The following GABRA4 variants were observed in gnomAD, a reference collection of about 807,000 sequenced individuals.
The protein encoded by GABRA4 is gamma-aminobutyric acid type A receptor subunit alpha4, also known as gamma-aminobutyric acid receptor subunit alpha-4.
GABRA4 carries 12 observed loss-of-function variants against 49.7 expected under a neutral mutation model. That is an observed-to-expected ratio of 0.24 (90% CI 0.15 to 0.39). The LOEUF (loss-of-function observed/expected upper bound fraction) is 0.39. GABRA4 is among the 10% of genes least tolerant of loss of function. The probability of loss-of-function intolerance (pLI) is 1.00; values close to 1 mark genes in which losing one functional copy is unlikely to be tolerated. For synonymous variants in GABRA4, 288 were observed against 240.2 expected (o/e 1.20, Z -1.84); for missense variants, 506 against 686.0 (o/e 0.74, Z 2.93).
intron 6 of GABRA4, 106 bp from the exon 7 acceptor site, chr4:46,971,341 T>C: frequency 9.8e-7 from 1 of 1,019,540 alleles, no homozygotes; most frequent in Non-Finnish European, 1.5e-6. Flanking sequence ...AGGAAAGAAA[T>C]TCTCTTTTGT....
At chr4:46,978,583 AG>A (rs1159982345) in intron 3 of GABRA4, among the ~76,000 whole-genome samples, 2 of 143,664 alleles carry the variant, frequency 1.4e-5, no homozygotes, top group Non-Finnish European at 3.0e-5. Context: ...GCTACTTGGG[AG>A]GTTGAGGCAA....
intron 5 of GABRA4, among the ~76,000 whole-genome samples, chr4:46,976,264 T>C (rs1723135114): frequency 6.9e-6 from 1 of 144,376 alleles, no homozygotes; most frequent in Non-Finnish European, 1.5e-5. Context: ...ACCATCCTAG[T>C]CTAAGCCACT....
intron 7 of GABRA4, 69 bp from the exon 8 acceptor site, chr4:46,965,298 C>T (rs1714834316): frequency 2.4e-6 from 3 of 1,275,396 alleles, no homozygotes; most frequent in Non-Finnish European, 2.1e-6. Context: ...CCGCCACCAC[C>T]AACAAAAACC....
chr4:46,925,581 G>A lies in GABRA4; in HGVS notation c.*2644C>T, dbSNP rs559195565. ...TCATTCTTCTGAGATTTTCTAAGAG[G>A]GAAAAGTGACTGGCTCTTTGCAAAA... On this transcript the variant is annotated 3_prime_UTR_variant, in exon 9 of 9. Coordinates refer to ENST00000264318, the MANE Select transcript of GABRA4 (RefSeq NM_000809.4). The A allele has an allele frequency of 6.6e-6, 1 of 151,604 alleles. No individual in the cohort carries two copies. Among genetic ancestry groups the A allele is most frequent in the South Asian group, 2.1e-4 (1 of 4,802 alleles). The allele number at this position is 151,604 out of a possible 1,614,324, so 9.4% of individuals were successfully genotyped here. A position where few individuals can be genotyped will look rare whatever the true frequency, so the allele number is the denominator to read the frequency against.
intron 2 of GABRA4, among the ~76,000 whole-genome samples, chr4:46,991,272 G>A (rs1424141446): frequency 6.6e-6 from 1 of 152,106 alleles, no homozygotes; most frequent in Non-Finnish European, 1.5e-5. Flanking sequence ...GAAAATAATG[G>A]TTTGGAATTC....
chr4:46,964,808 A>T (rs2280075), intron 8 of GABRA4, among the ~76,000 whole-genome samples, 162 bp downstream of exon 8: 5 of 151,696 alleles, frequency 3.3e-5, no homozygotes, highest in African/African-American at 1.2e-4. Flanking sequence ...TTAATCACCA[A>T]CATAAAGTTT....
chr4:46,946,121 T>G (rs897127872), intron 8 of GABRA4, among the ~76,000 whole-genome samples: 1 of 152,188 alleles, frequency 6.6e-6, no homozygotes, highest in Non-Finnish European at 1.5e-5. Context: ...GCAAGACTGA[T>G]GTGATGCTTT....
At chr4:46,952,933 T>C (rs565651964) in intron 8 of GABRA4, among the ~76,000 whole-genome samples, 2 of 152,110 alleles carry the variant, frequency 1.3e-5, no homozygotes, top group Non-Finnish European at 2.9e-5. Context: ...CATATATTGC[T>C]ATCACCAGCA....
chr4:46,987,169 C>T (rs907017082), intron 2 of GABRA4, among the ~76,000 whole-genome samples: 11 of 152,140 alleles, frequency 7.2e-5, no homozygotes, highest in Non-Finnish European at 1.2e-4. Flanking sequence ...TGTCCTCTTA[C>T]CACACTGATC....
chr4:46,983,063 C>G (rs1723413430), intron 2 of GABRA4, among the ~76,000 whole-genome samples: 1 of 152,050 alleles, frequency 6.6e-6, no homozygotes, highest in Admixed American at 6.6e-5. Context: ...TCCAAAGGCG[C>G]TATCCTCATG....
intron 8 of GABRA4, among the ~76,000 whole-genome samples, chr4:46,930,856 T>A (rs1404863312): frequency 1.3e-5 from 2 of 150,908 alleles, no homozygotes; most frequent in Non-Finnish European, 3.0e-5. Context: ...ACCTGTTGTT[T>A]GAAGAAACTG....
chr4:46,943,710 C>T (rs74864569), intron 8 of GABRA4, among the ~76,000 whole-genome samples: 254 of 152,194 alleles, frequency 1.7e-3, no homozygotes, highest in African/African-American at 5.7e-3. Context: ...CTTGGCTTAC[C>T]CAGGAGGTTA....
intron 8 of GABRA4, among the ~76,000 whole-genome samples, chr4:46,937,394 A>T (rs1721639080): frequency 6.6e-6 from 1 of 152,132 alleles, no homozygotes; most frequent in South Asian, 2.1e-4. Flanking sequence ...ACGTCAATAA[A>T]ATTAAATTCA....
At chr4:46,990,589 T>C (rs1723708994) in intron 2 of GABRA4, among the ~76,000 whole-genome samples, 1 of 152,232 alleles carries the variant, frequency 6.6e-6, no homozygotes, top group South Asian at 2.1e-4. Flanking sequence ...TTAAACTACA[T>C]AGGACTGGAT....
intron 2 of GABRA4, among the ~76,000 whole-genome samples, chr4:46,983,155 A>T (rs1383312099): frequency 6.6e-6 from 1 of 152,046 alleles, no homozygotes; most frequent in East Asian, 1.9e-4. Flanking sequence ...CCTTGTATTG[A>T]TCTCCAAAGC....
chr4:46,992,913 C>T lies in GABRA4; in HGVS notation c.120G>A (p.Glu40=), dbSNP rs146294359. Residue 40 remains glutamate, a synonymous_variant, in exon 2 of 9, where the codon GAG becomes GAA. Coordinates refer to ENST00000264318, the MANE Select transcript of GABRA4 (RefSeq NM_000809.4). ...LNESPGQNQK[E]EKLCTENFTR... The stretch of plus-strand genomic sequence containing the variant: ...TGAAATTTTCTGTGCACAATTTCTC[C>T]TCCTTTTGGTTCTGTCCTGGGGATT... The T allele has an allele frequency of 2.3e-5, 37 of 1,612,852 alleles. No individual in the cohort carries two copies. Among genetic ancestry groups the T allele is most frequent in the Non-Finnish European group, 3.1e-5 (36 of 1,179,714 alleles).
chr4:46,951,881 C>A (rs1201290233), intron 8 of GABRA4, among the ~76,000 whole-genome samples: 1 of 151,672 alleles, frequency 6.6e-6, no homozygotes, highest in Non-Finnish European at 1.5e-5. Context: ...CTTAGAAAAA[C>A]TTTTCAGGGA....
At chr4:46,984,470 T>C (rs1723465998) in intron 2 of GABRA4, among the ~76,000 whole-genome samples, 1 of 152,006 alleles carries the variant, frequency 6.6e-6, no homozygotes, top group Non-Finnish European at 1.5e-5. Context: ...CACTATAAAG[T>C]TCTGGAAGTT....
At position 46,921,450 on chromosome 4, in the gene GABRA4, T is replaced by C. The variant is rs1721030232; in HGVS notation, c.*6775A>G. Reference sequence around the variant, plus strand: ...ATTCCCCTATAGAAACTAAAGAAGCTTGCAGAAATACTACCAAGGAAAATG... The same window carrying C: ...ATTCCCCTATAGAAACTAAAGAAGCCTGCAGAAATACTACCAAGGAAAATG... On this transcript the variant is annotated 3_prime_UTR_variant, in exon 9 of 9. Transcript: ENST00000264318. 1 of 152,030 alleles carries C rather than the reference T, an allele frequency of 6.6e-6. No individual in the cohort carries two copies. The highest frequency in any genetic ancestry group is 2.1e-4 in the South Asian group (1 of 4,830). 9.4% of individuals were successfully genotyped at this position (152,030 alleles called of 1,614,324 possible).
Sources: allele counts gnomAD v4.1 joint callset (sites outside exome capture counted in the v4.1 genomes callset), GRCh38; gene constraint gnomAD v4.1.1; transcripts MANE v1.5; gene names NCBI Gene and HGNC (gene_info 2026-07-23, HGNC 2026-07-21).